The following EBF2 variants were observed in gnomAD, a reference collection of about 807,000 sequenced individuals.
EBF2 encodes transcription factor COE2.
Under a neutral mutation model 72.8 loss-of-function variants are expected in EBF2, and 21 were observed. The ratio of observed to expected loss-of-function variants is 0.29; its 90% CI spans 0.20 to 0.42. The LOEUF (loss-of-function observed/expected upper bound fraction) is 0.42, where lower values mean the gene tolerates loss of function less well. EBF2 is among the 10% of genes least tolerant of loss of function. The probability of loss-of-function intolerance (pLI) is 1.00; values close to 1 mark genes in which losing one functional copy is unlikely to be tolerated. For synonymous variants in EBF2, 299 were observed against 274.2 expected (o/e 1.09, Z -0.89); for missense variants, 637 against 731.2 (o/e 0.87, Z 1.49).
At chr8:26,022,904 C>T (rs550668410) in intron 6 of EBF2, among the ~76,000 whole-genome samples, 42 of 152,348 alleles carry the variant, frequency 2.8e-4, no homozygotes, top group African/African-American at 9.9e-4. Flanking sequence ...GATCAAATGT[C>T]CCCTCCAGCT....
chr8:26,006,652 CA>C (rs1246198115), intron 6 of EBF2, among the ~76,000 whole-genome samples: 2 of 152,180 alleles, frequency 1.3e-5, no homozygotes, highest in African/African-American at 4.8e-5. Context: ...CAGTGCCCAG[CA>C]GGGATTTTTT....
intron 6 of EBF2, among the ~76,000 whole-genome samples, chr8:25,929,671 T>A (rs1315440360): frequency 1.3e-5 from 2 of 152,186 alleles, no homozygotes; most frequent in Non-Finnish European, 2.9e-5. Context: ...TAAGTCAGGA[T>A]CCTTTGGTCC....
chr8:25,904,831 T>A (rs1288231105), intron 7 of EBF2, among the ~76,000 whole-genome samples: 1 of 152,200 alleles, frequency 6.6e-6, no homozygotes, highest in Non-Finnish European at 1.5e-5. Flanking sequence ...GTTATATTCT[T>A]AGTAGAATCT....
intron 6 of EBF2, among the ~76,000 whole-genome samples, chr8:25,982,316 T>G: frequency 6.6e-6 from 1 of 152,224 alleles, no homozygotes; most frequent in African/African-American, 2.4e-5. Flanking sequence ...AACTGCTGAT[T>G]CTCCCAGTTC....
chr8:25,973,832 C>T (rs1804226732), intron 6 of EBF2, among the ~76,000 whole-genome samples: 1 of 152,068 alleles, frequency 6.6e-6, no homozygotes, highest in South Asian at 2.1e-4. Flanking sequence ...TGCACCACCA[C>T]AAAGGGCTAA....
At chr8:25,977,677 C>G (rs1211311057) in intron 6 of EBF2, among the ~76,000 whole-genome samples, 1 of 152,190 alleles carries the variant, frequency 6.6e-6, no homozygotes, top group Non-Finnish European at 1.5e-5. Context: ...TGATCTCACC[C>G]CTAGCATGAA....
rs775279795 is a variant in EBF2 at position 25,902,027 on chromosome 8, A to G, written c.633+6447T>C. Among the ~76,000 whole-genome samples the G allele has an allele frequency of 6.6e-5, 10 of 152,352 alleles. 1 individual carries two copies. The South Asian group carries it at 2.1e-3, about 32-fold the overall frequency. On this transcript the variant is annotated intron_variant, in intron 7 of 15. Coordinates refer to ENST00000520164, the MANE Select transcript of EBF2 (RefSeq NM_022659.4). ...TTCATCAGTAATATTGGCTGGGTGC[A>G]TGAATAAATGAATGAGTACCTCTAT...
intron 7 of EBF2, among the ~76,000 whole-genome samples, chr8:25,907,061 C>G (rs1255465250): frequency 6.6e-6 from 1 of 151,964 alleles, no homozygotes; most frequent in Non-Finnish European, 1.5e-5. Flanking sequence ...CAGAAGCTCT[C>G]CAGCAGGACC....
chr8:25,979,682 G>T (rs994046780), intron 6 of EBF2, among the ~76,000 whole-genome samples: 12 of 151,938 alleles, frequency 7.9e-5, no homozygotes, highest in African/African-American at 2.2e-4. Flanking sequence ...ACAAATGAAA[G>T]CTCAGGTACA....
At chr8:25,983,357 C>T (rs58183702) in intron 6 of EBF2, among the ~76,000 whole-genome samples, 1 of 152,208 alleles carries the variant, frequency 6.6e-6, no homozygotes, top group South Asian at 2.1e-4. Flanking sequence ...CACACAAAAG[C>T]GAAAGTAATG....
chr8:26,040,898 G>A (rs924259192), intron 3 of EBF2, 41 bp downstream of exon 3: 13 of 1,612,952 alleles, frequency 8.1e-6, no homozygotes, highest in African/African-American at 6.7e-5. Context: ...CCGGAAGCCG[G>A]CTGCTAGGCG....
intron 12 of EBF2, 29 bp downstream of exon 12, chr8:25,861,279 TC>T (rs775307228): frequency 6.2e-7 from 1 of 1,613,884 alleles, no homozygotes; most frequent in South Asian, 1.1e-5. Context: ...AGTGCAAAAC[TC>T]AATAAAGGAT....
At position 25,862,582 on chromosome 8, in the gene EBF2, C is replaced by T. The variant is rs114487083; in HGVS notation, c.1098+127G>A. The T allele has an allele frequency of 2.1e-3, 1,060 of 509,928 alleles. 10 individuals are homozygous for T. Among genetic ancestry groups the T allele is most frequent in the African/African-American group, 0.019 (962 of 51,640 alleles). The allele number at this position is 509,928 out of a possible 1,614,324, so 31.6% of individuals were successfully genotyped here. A position where few individuals can be genotyped will look rare whatever the true frequency, so the allele number is the denominator to read the frequency against. ...CATAGCAGATATTTTATGTGCATCT[C>T]GTATCTAAAGCTTAGCCAAATTTCA... On this transcript the variant is annotated intron_variant, in intron 11 of 15. Transcript: ENST00000520164.
At chr8:25,937,504 T>C (rs1803599086) in intron 6 of EBF2, among the ~76,000 whole-genome samples, 1 of 152,226 alleles carries the variant, frequency 6.6e-6, no homozygotes, top group South Asian at 2.1e-4. Context: ...ATAAAATGCC[T>C]ATTCTGGATT....
At chr8:25,866,055 T>C (rs10099684) in intron 10 of EBF2, among the ~76,000 whole-genome samples, 93 of 151,968 alleles carry the variant, frequency 6.1e-4, no homozygotes, top group African/African-American at 2.2e-3. Context: ...TGAAAGTAAC[T>C]GTTATTTTGT....
intron 6 of EBF2, among the ~76,000 whole-genome samples, chr8:25,973,835 A>C (rs1005145930): frequency 6.6e-6 from 1 of 151,814 alleles, no homozygotes; most frequent in South Asian, 2.1e-4. Context: ...ACCACCACAA[A>C]GGGCTAATTT....
intron 6 of EBF2, among the ~76,000 whole-genome samples, chr8:26,009,314 T>C (rs1346621105): frequency 6.6e-6 from 1 of 152,220 alleles, no homozygotes; most frequent in Non-Finnish European, 1.5e-5. Context: ...GTATTCAGCA[T>C]GTTCTATACA....
At chr8:25,855,267 C>G (rs758460777) in intron 14 of EBF2, among the ~76,000 whole-genome samples, 1 of 152,074 alleles carries the variant, frequency 6.6e-6, no homozygotes, top group African/African-American at 2.4e-5. Flanking sequence ...TTTTTTGGAG[C>G]TAAGGGGTCT....
intron 6 of EBF2, among the ~76,000 whole-genome samples, chr8:26,005,087 A>G (rs1399861076): frequency 6.7e-6 from 1 of 148,392 alleles, no homozygotes; most frequent in Non-Finnish European, 1.5e-5. Flanking sequence ...CAATGGCAAA[A>G]AAATCAAATT....
Sources: gnomAD v4.1 joint callset for allele counts (sites outside exome capture counted in the v4.1 genomes callset) on GRCh38, gnomAD v4.1.1 for gene constraint, MANE v1.5 for transcripts, NCBI Gene and HGNC (gene_info 2026-07-23, HGNC 2026-07-21) for gene names.